Variants in PPP1R9A observed in about 807,000 individuals in gnomAD.
PPP1R9A encodes the protein neurabin-1.
A neutral mutation model predicts 141.9 loss-of-function variants in PPP1R9A; 59 were observed. That is an observed-to-expected ratio of 0.42 (90% confidence interval 0.34 to 0.52). The LOEUF (loss-of-function observed/expected upper bound fraction) is 0.52, where lower values mean the gene tolerates loss of function less well. Among genes scored for constraint, PPP1R9A ranks in the 20% least tolerant of loss-of-function variants. PPP1R9A has a pLI of 0.10. For missense variants in PPP1R9A, 1,444 were observed against 1,611.9 expected (o/e 0.90, Z 1.78); for synonymous variants, 500 against 569.7 (o/e 0.88, Z 1.74).
intron 3 of PPP1R9A, among the ~76,000 whole-genome samples, chr7:95,113,684 A>G (rs148373871): frequency 1.4e-3 from 216 of 152,352 alleles, no homozygotes; most frequent in African/African-American, 5.1e-3. Context: ...TATCCATCCC[A>G]GAAAGCATTT....
chr7:94,915,081 A>G (rs1328599109), intron 2 of PPP1R9A, among the ~76,000 whole-genome samples: 1 of 152,176 alleles, frequency 6.6e-6, no homozygotes, highest in Non-Finnish European at 1.5e-5. Context: ...TTTCTAACTC[A>G]CAGTAAGAAG....
At chr7:94,991,826 A>G (rs1054148589) in intron 2 of PPP1R9A, among the ~76,000 whole-genome samples, 6 of 151,878 alleles carry the variant, frequency 4.0e-5, no homozygotes, top group Non-Finnish European at 8.8e-5. Context: ...TAACTTCTGT[A>G]CTTTTGGCAG....
chr7:95,049,148 G>A (rs547680259), intron 2 of PPP1R9A, among the ~76,000 whole-genome samples: 2 of 152,090 alleles, frequency 1.3e-5, no homozygotes, highest in Non-Finnish European at 2.9e-5. Flanking sequence ...ACACCATGCC[G>A]GAAAGAGATA....
intron 2 of PPP1R9A, chr7:95,036,759 C>T (rs1048211668): frequency 3.9e-5 from 6 of 152,226 alleles, no homozygotes; most frequent in South Asian, 4.1e-4. Context: ...TTTGCAGAAG[C>T]GAATTCTCAT....
intron 2 of PPP1R9A, among the ~76,000 whole-genome samples, chr7:95,024,883 G>C (rs1806578552): frequency 6.6e-6 from 1 of 152,078 alleles, no homozygotes; most frequent in South Asian, 2.1e-4. Context: ...AATAGGCTTT[G>C]TAATTTGGTA....
chr7:95,078,789 T>C (rs889613325), intron 2 of PPP1R9A, among the ~76,000 whole-genome samples: 18 of 151,274 alleles, frequency 1.2e-4, no homozygotes, highest in Non-Finnish European at 1.5e-4. Context: ...TTTTGAGAAG[T>C]GTCTGTTCAT....
chr7:95,250,452 A>G (rs1219964348), intron 10 of PPP1R9A, among the ~76,000 whole-genome samples, 197 bp downstream of exon 10: 2 of 152,190 alleles, frequency 1.3e-5, no homozygotes, highest in African/African-American at 2.4e-5. Context: ...TATGTTTTGT[A>G]TATTTTATAG....
intron 2 of PPP1R9A, among the ~76,000 whole-genome samples, chr7:94,937,487 A>C (rs1038712966): frequency 1.6e-4 from 24 of 152,166 alleles, no homozygotes; most frequent in African/African-American, 5.8e-4. Flanking sequence ...TCAATGTTGC[A>C]ATAATTTTTT....
intron 5 of PPP1R9A, among the ~76,000 whole-genome samples, chr7:95,167,326 A>G (rs1831417670): frequency 6.6e-6 from 1 of 152,180 alleles, no homozygotes; most frequent in African/African-American, 2.4e-5. Flanking sequence ...CTCCCATGAC[A>G]TGTGGGAATT....
At position 94,910,827 on chromosome 7, in the gene PPP1R9A, A is replaced by G; in HGVS notation, c.714A>G (p.Leu238=). ...TGACTGGGCATTATCCCTTGAATTT[A>G]CCATCTGTTACTGTTACAAATCTTG... ...YSVTGHYPLN[L]PSVTVTNLDT... is the part of the protein sequence containing the mutation. The change falls in exon 2 of 20, where the codon TTA becomes TTG. Residue 238 remains leucine, a synonymous_variant. Transcript: ENST00000433360. The surrounding 1 kb of genome is among the most constrained non-coding windows in gnomAD (Gnocchi z 4.5). The G allele has an allele frequency of 6.2e-7, 1 of 1,613,870 alleles. No individual in the cohort carries two copies. The highest frequency in any genetic ancestry group is 8.5e-7 in the Non-Finnish European group (1 of 1,179,984).
At chr7:95,244,269 A>G (rs1797828565) in intron 8 of PPP1R9A, among the ~76,000 whole-genome samples, 1 of 152,190 alleles carries the variant, frequency 6.6e-6, no homozygotes, top group African/African-American at 2.4e-5. Context: ...GAAAGGGTAG[A>G]ATAGATCAAC....
At chr7:95,019,957 C>A (rs1805668871) in intron 2 of PPP1R9A, among the ~76,000 whole-genome samples, 1 of 152,082 alleles carries the variant, frequency 6.6e-6, no homozygotes, top group African/African-American at 2.4e-5. Flanking sequence ...AACCCAATAT[C>A]CATCAACAGG....
chr7:95,288,869 T>A, intron 19 of PPP1R9A, 151 bp downstream of exon 19: 1 of 1,116,706 alleles, frequency 9.0e-7, no homozygotes, highest in Non-Finnish European at 1.2e-6. Flanking sequence ...TCTTTCTGAG[T>A]AGTAAATGAA....
chr7:95,289,150 C>T (rs961788796), intron 19 of PPP1R9A, among the ~76,000 whole-genome samples: 1 of 152,186 alleles, frequency 6.6e-6, no homozygotes, highest in African/African-American at 2.4e-5. Context: ...GGATGATGTT[C>T]TCCCCAGAAG....
intron 2 of PPP1R9A, among the ~76,000 whole-genome samples, chr7:95,104,578 TTGTC>T (rs1819251970): frequency 6.6e-6 from 1 of 152,160 alleles, no homozygotes; most frequent in Non-Finnish European, 1.5e-5. Context: ...TTACCCTAAA[TTGTC>T]TGATGATTAT....
chr7:94,980,908 G>C (rs1418691082), intron 2 of PPP1R9A, among the ~76,000 whole-genome samples: 1 of 151,990 alleles, frequency 6.6e-6, no homozygotes, highest in African/African-American at 2.4e-5. Context: ...AATCTTTGTT[G>C]AGTGGCATCT....
intron 2 of PPP1R9A, among the ~76,000 whole-genome samples, chr7:95,024,903 A>T (rs1356870230): frequency 6.6e-6 from 1 of 152,130 alleles, no homozygotes; most frequent in Non-Finnish European, 1.5e-5. Context: ...ATGTTTTTGC[A>T]GTGGCTCGTA....
intron 8 of PPP1R9A, among the ~76,000 whole-genome samples, chr7:95,240,388 A>G (rs943373189): frequency 1.3e-5 from 2 of 151,348 alleles, no homozygotes; most frequent in African/African-American, 4.9e-5. Context: ...TAGTTCATTA[A>G]TGTTTCCTTC....
intron 4 of PPP1R9A, chr7:95,155,175 T>C (rs1461014949): frequency 7.6e-6 from 1 of 131,526 alleles, no homozygotes; most frequent in South Asian, 2.4e-4. Flanking sequence ...TGCCTTTTTT[T>C]TCTTTTTTTC....
Sources: allele counts gnomAD v4.1 joint callset (sites outside exome capture counted in the v4.1 genomes callset), GRCh38; gene constraint gnomAD v4.1.1; non-coding constraint Gnocchi (gnomAD v3.1); transcripts MANE v1.5; gene names NCBI Gene and HGNC (gene_info 2026-07-23, HGNC 2026-07-21).